HMBOX1: variants seen among roughly 807,000 people sequenced by gnomAD.
HMBOX1 encodes the protein homeobox containing 1.
HMBOX1 carries 14 observed loss-of-function variants against 54.5 expected under a neutral mutation model. That is an observed-to-expected ratio of 0.26 (90% CI 0.17 to 0.40). HMBOX1 has a LOEUF of 0.40. Ranked by LOEUF, HMBOX1 falls within the 10% of genes least tolerant of loss-of-function variation. The probability of loss-of-function intolerance (pLI) is 1.00; values close to 1 mark genes in which losing one functional copy is unlikely to be tolerated. For missense variants in HMBOX1, 332 were observed against 514.4 expected (o/e 0.65, Z 3.43); for synonymous variants, 160 against 181.0 (o/e 0.88, Z 0.93).
intron 3 of HMBOX1, among the ~76,000 whole-genome samples, chr8:28,978,569 G>A (rs1336286547): frequency 1.3e-5 from 2 of 152,180 alleles, no homozygotes; most frequent in Non-Finnish European, 2.9e-5. Flanking sequence ...GATCACTTGA[G>A]GTTAGGAGTT....
chr8:28,968,903 G>A (rs1269138325), intron 2 of HMBOX1, among the ~76,000 whole-genome samples: 2 of 152,214 alleles, frequency 1.3e-5, no homozygotes, highest in Admixed American at 6.5e-5. Flanking sequence ...GCCGAGCATG[G>A]TGGCTCACAC....
intron 5 of HMBOX1, among the ~76,000 whole-genome samples, chr8:29,014,283 T>C (rs958015608): frequency 1.3e-5 from 2 of 152,100 alleles, no homozygotes; most frequent in African/African-American, 4.8e-5. Context: ...AAAAGATTTC[T>C]GTAAGGAAAT....
rs1162477676 is a variant in HMBOX1 at position 28,960,765 on chromosome 8, C to CTTTTT, written c.-57-3011_-57-3007dup. Among the ~76,000 whole-genome samples, 114 of 16,162 alleles carry CTTTTT rather than the reference C, an allele frequency of 7.1e-3. 1 individual carries two copies. Among genetic ancestry groups the CTTTTT allele is most frequent in the Non-Finnish European group, 0.011 (82 of 7,504 alleles). 10.6% of individuals were successfully genotyped at this position (16,162 alleles called of 152,430 possible). The stretch of plus-strand genomic sequence containing the variant: ...TTATTCTCTTTTTCTTTTTCTTTTT[C>CTTTTT]TTTTTTTTTTTTTTTTTTTTTTTTT... On this transcript the variant is annotated intron_variant, in intron 1 of 9. Transcript: ENST00000287701.
At chr8:28,997,189 T>C (rs576663756) in intron 4 of HMBOX1, among the ~76,000 whole-genome samples, 1 of 152,348 alleles carries the variant, frequency 6.6e-6, no homozygotes, top group East Asian at 1.9e-4. Flanking sequence ...TTCCTGATCT[T>C]AGGGAAAGTG....
chr8:28,903,264 G>T (rs955060014), intron 1 of HMBOX1, among the ~76,000 whole-genome samples: 2 of 152,246 alleles, frequency 1.3e-5, no homozygotes, highest in Non-Finnish European at 2.9e-5. Context: ...TTTGTGAGGG[G>T]ATCAGGGAGG....
At chr8:29,001,936 G>A (rs1418833059) in intron 4 of HMBOX1, among the ~76,000 whole-genome samples, 1 of 152,212 alleles carries the variant, frequency 6.6e-6, no homozygotes, top group Non-Finnish European at 1.5e-5. Flanking sequence ...AATATGAGGA[G>A]TTGGGTGCAA....
At chr8:28,916,622 TTGTG>T (rs1368721852) in intron 1 of HMBOX1, among the ~76,000 whole-genome samples, 1 of 152,234 alleles carries the variant, frequency 6.6e-6, no homozygotes, top group Non-Finnish European at 1.5e-5. Context: ...TTGACCATAT[TTGTG>T]TGAGTCTGTT....
rs551642075 is a variant in HMBOX1 at position 29,051,482 on chromosome 8, A to G, written c.*327A>G. 6.3e-5 allele frequency: 44 copies of G among 700,420 alleles called. No individual in the cohort carries two copies. The highest frequency in any genetic ancestry group is 4.6e-4 in the Middle Eastern group (2 of 4,360). The allele number at this position is 700,420 out of a possible 1,614,324, so 43.4% of individuals were successfully genotyped here. A position where few individuals can be genotyped will look rare whatever the true frequency, so the allele number is the denominator to read the frequency against. On this transcript the variant is annotated 3_prime_UTR_variant, in exon 10 of 10. Coordinates refer to ENST00000287701, the MANE Select transcript of HMBOX1 (RefSeq NM_001135726.3). ...ATAGCCCTCAGTTCTCAAATATTAG[A>G]CTACGTGTAAAATCTTGGGTACCTT...
chr8:28,933,101 G>C (rs12678197), intron 1 of HMBOX1, among the ~76,000 whole-genome samples: 148,056 of 152,268 alleles, frequency 0.97, 71,993 homozygotes, highest in East Asian at 1. Context: ...GAAAGAAGGG[G>C]AAAGTCACAT....
At chr8:28,920,018 C>T (rs1328371511) in intron 1 of HMBOX1, among the ~76,000 whole-genome samples, 1 of 151,008 alleles carries the variant, frequency 6.6e-6, no homozygotes, top group African/African-American at 2.4e-5. Context: ...AATAGCTAGA[C>T]CTAGAGATGT....
At chr8:28,925,471 A>G (rs1818286324) in intron 1 of HMBOX1, among the ~76,000 whole-genome samples, 1 of 152,026 alleles carries the variant, frequency 6.6e-6, no homozygotes, top group African/African-American at 2.4e-5. Flanking sequence ...CACTATATTC[A>G]TTATTGTTTG....
At chr8:28,930,385 C>T (rs193177021) in intron 1 of HMBOX1, among the ~76,000 whole-genome samples, 1 of 152,298 alleles carries the variant, frequency 6.6e-6, no homozygotes, top group East Asian at 1.9e-4. Context: ...TAACTAGTCT[C>T]CCTGCCTCTA....
chr8:28,900,470 A>G (rs1205707397), intron 1 of HMBOX1, among the ~76,000 whole-genome samples: 1 of 151,740 alleles, frequency 6.6e-6, no homozygotes, highest in Non-Finnish European at 1.5e-5. Flanking sequence ...TGGAAGTCTC[A>G]AATATCTGTT....
intron 6 of HMBOX1, among the ~76,000 whole-genome samples, chr8:29,042,041 C>G (rs906214807): frequency 1.3e-5 from 2 of 152,106 alleles, no homozygotes; most frequent in Middle Eastern, 3.2e-3. Flanking sequence ...TGTATCCCAT[C>G]AAATCTAAGA....
chr8:28,981,501 T>C (rs746356913), intron 4 of HMBOX1, among the ~76,000 whole-genome samples: 1 of 152,222 alleles, frequency 6.6e-6, no homozygotes, highest in Admixed American at 6.5e-5. Flanking sequence ...AAAGATGAAA[T>C]GTTGTCTTTC....
At chr8:28,948,260 A>C (rs1319336621) in intron 1 of HMBOX1, among the ~76,000 whole-genome samples, 1 of 152,128 alleles carries the variant, frequency 6.6e-6, no homozygotes, top group African/African-American at 2.4e-5. Flanking sequence ...TTACCACAAG[A>C]ATGTAACCTC....
At chr8:28,949,630 A>G (rs969737737) in intron 1 of HMBOX1, 2 of 152,158 alleles carry the variant, frequency 1.3e-5, no homozygotes, top group Non-Finnish European at 2.9e-5. Flanking sequence ...CAAAATGGGC[A>G]TTTTCTTTCA....
intron 1 of HMBOX1, among the ~76,000 whole-genome samples, chr8:28,944,605 G>A (rs1237467313): frequency 1.3e-5 from 2 of 152,062 alleles, no homozygotes; most frequent in Non-Finnish European, 1.5e-5. Context: ...TAACCTGGTG[G>A]GTCTCCAGTA....
intron 1 of HMBOX1, among the ~76,000 whole-genome samples, chr8:28,921,298 C>T (rs532405353): frequency 1.1e-4 from 17 of 152,252 alleles, no homozygotes; most frequent in South Asian, 6.2e-4. Flanking sequence ...ATCATGCCAC[C>T]GCACTCCAGC....
Sources: gnomAD v4.1 joint callset for allele counts (sites outside exome capture counted in the v4.1 genomes callset) on GRCh38, gnomAD v4.1.1 for gene constraint, MANE v1.5 for transcripts, NCBI Gene and HGNC (gene_info 2026-07-23, HGNC 2026-07-21) for gene names.